SMYD3: variants seen among roughly 807,000 people sequenced by gnomAD.
SMYD3 encodes SET and MYND domain containing 3, also known as histone-lysine N-methyltransferase SMYD3.
In SMYD3, 36 loss-of-function variants were observed where a neutral mutation model predicts 57.7. The observed-to-expected ratio is 0.62, with a 90% CI of 0.48 to 0.82. The LOEUF (loss-of-function observed/expected upper bound fraction) is 0.82. Among genes scored for constraint, SMYD3 ranks in the 40% least tolerant of loss-of-function variants. The probability of loss-of-function intolerance (pLI) is 0.00; values close to 1 mark genes in which losing one functional copy is unlikely to be tolerated. For synonymous variants in SMYD3, 211 were observed against 195.0 expected (o/e 1.08, Z -0.68); for missense variants, 515 against 538.8 (o/e 0.96, Z 0.44).
chr1:246,495,131 C>G (rs369914486), intron 1 of SMYD3, among the ~76,000 whole-genome samples: 1 of 151,878 alleles, frequency 6.6e-6, no homozygotes, highest in East Asian at 1.9e-4. Flanking sequence ...GGGTGGATCA[C>G]GAGGTCAGGA....
chr1:245,880,831 TGTAA>T (rs1352177942), intron 8 of SMYD3, among the ~76,000 whole-genome samples: 1 of 152,232 alleles, frequency 6.6e-6, no homozygotes, highest in Non-Finnish European at 1.5e-5. Context: ...AAGACCCTGA[TGTAA>T]GTGGAAAGAG....
chr1:245,836,351 G>A (rs2050106041), intron 10 of SMYD3, among the ~76,000 whole-genome samples: 1 of 152,154 alleles, frequency 6.6e-6, no homozygotes, highest in Non-Finnish European at 1.5e-5. Context: ...ATAGCCACTG[G>A]CCTTCCCATC....
At chr1:245,981,925 C>A (rs1326113695) in intron 5 of SMYD3, among the ~76,000 whole-genome samples, 2 of 152,216 alleles carry the variant, frequency 1.3e-5, no homozygotes, top group Non-Finnish European at 2.9e-5. Flanking sequence ...CAGGCTTGGG[C>A]AGGCGAGTCT....
chr1:245,797,033 A>T (rs2047553096), intron 10 of SMYD3, among the ~76,000 whole-genome samples: 1 of 152,166 alleles, frequency 6.6e-6, no homozygotes, highest in South Asian at 2.1e-4. Flanking sequence ...CAGGCTATAG[A>T]GGAAATTGCT....
chr1:246,230,465 C>T (rs910336798), intron 5 of SMYD3, among the ~76,000 whole-genome samples: 3 of 152,170 alleles, frequency 2.0e-5, no homozygotes, highest in Non-Finnish European at 4.4e-5. Context: ...AGGAGTTAGG[C>T]TAGAATGCTG....
intron 1 of SMYD3, among the ~76,000 whole-genome samples, chr1:246,412,482 C>T (rs966709243): frequency 1.3e-5 from 2 of 151,852 alleles, no homozygotes; most frequent in Non-Finnish European, 2.9e-5. Flanking sequence ...AAAATAGATT[C>T]CAATAAAACA....
rs184884458 is a variant in SMYD3 at position 246,436,867 on chromosome 1, G to A, written c.164+70187C>T. Among the ~76,000 whole-genome samples the A allele has an allele frequency of 3.6e-3, 539 of 150,762 alleles. 3 individuals carry two copies. The highest frequency in any genetic ancestry group is 9.1e-3 in the African/African-American group (375 of 41,062). ...TTCATTCAGTAGAAGGGAAAAGGAC[G>A]ATAGGGAATAAGGGTCCTGCCAGAG... is the stretch of plus-strand genomic sequence containing the variant. On this transcript the variant is annotated intron_variant, in intron 1 of 11. Coordinates refer to ENST00000490107, the MANE Select transcript of SMYD3 (RefSeq NM_001167740.2).
chr1:246,186,593 T>C (rs1020720198), intron 5 of SMYD3: 1 of 226,604 alleles, frequency 4.4e-6, no homozygotes, highest in Non-Finnish European at 7.3e-6. Flanking sequence ...TCTTGTTTAA[T>C]TGCTAACTTT....
intron 10 of SMYD3, among the ~76,000 whole-genome samples, chr1:245,817,301 T>C (rs12032586): frequency 0.2 from 27,274 of 135,698 alleles, 3,966 homozygotes; most frequent in East Asian, 0.3. Context: ...ACACCTCACA[T>C]GGCAGGGTAT....
chr1:245,956,306 G>C (rs2057839190), intron 5 of SMYD3, among the ~76,000 whole-genome samples: 1 of 152,176 alleles, frequency 6.6e-6, no homozygotes, highest in East Asian at 1.9e-4. Context: ...AAACGAATTT[G>C]AGAAGAAAAG....
chr1:246,305,222 G>A (rs1308808776), intron 5 of SMYD3, among the ~76,000 whole-genome samples: 1 of 152,040 alleles, frequency 6.6e-6, no homozygotes, highest in Non-Finnish European at 1.5e-5. Flanking sequence ...GTGAAACAAT[G>A]ATTAAAGATT....
At chr1:245,783,510 T>A (rs1354529720) in intron 10 of SMYD3, among the ~76,000 whole-genome samples, 1 of 151,962 alleles carries the variant, frequency 6.6e-6, no homozygotes, top group Non-Finnish European at 1.5e-5. Context: ...CTGTCATCCA[T>A]ACTCATATTG....
chr1:246,482,207 T>C (rs1427410707), intron 1 of SMYD3, among the ~76,000 whole-genome samples: 3 of 152,098 alleles, frequency 2.0e-5, no homozygotes, highest in South Asian at 2.1e-4. Context: ...GATCCTCAGT[T>C]TGCCATGAGA....
At chr1:246,125,092 A>C (rs2061490974) in intron 5 of SMYD3, among the ~76,000 whole-genome samples, 1 of 50,502 alleles carries the variant, frequency 2.0e-5, no homozygotes, top group South Asian at 4.9e-4. Context: ...AAAAAAACAC[A>C]CACACACACA....
At chr1:246,345,602 C>T (rs12094118) in intron 2 of SMYD3, among the ~76,000 whole-genome samples, 30,774 of 152,044 alleles carry the variant, frequency 0.2, 3,556 homozygotes, top group East Asian at 0.51. Context: ...GATTTTGGAG[C>T]GCTGCAGATT....
chr1:246,160,993 CA>C (rs1436100021), intron 5 of SMYD3, among the ~76,000 whole-genome samples: 3 of 152,214 alleles, frequency 2.0e-5, no homozygotes, highest in Non-Finnish European at 4.4e-5. Flanking sequence ...ACATTACCAA[CA>C]TGCAGGCTGG....
rs1309134037 is a variant in SMYD3, at chr1:246,208,656, C to T, written c.531+118545G>A. Among the ~76,000 whole-genome samples the T allele has an allele frequency of 2.6e-5, 4 of 152,168 alleles. No individual in the cohort carries two copies. In the South Asian group the frequency reaches 6.2e-4, roughly 24 times the overall value. ...ACGTCTAGAAAACTGTTCTCTGCTG[C>T]TCATAGGCAATCACGTTGCATGTCC... On this transcript the variant is annotated intron_variant, in intron 5 of 11. Transcript: ENST00000490107.
At chr1:246,362,098 G>A (rs1000476520) in intron 1 of SMYD3, among the ~76,000 whole-genome samples, 1 of 151,982 alleles carries the variant, frequency 6.6e-6, no homozygotes, top group African/African-American at 2.4e-5. Flanking sequence ...TAGAATATAC[G>A]TAACATAAAA....
chr1:246,048,745 A>G (rs2060012154), intron 5 of SMYD3, among the ~76,000 whole-genome samples: 1 of 151,964 alleles, frequency 6.6e-6, no homozygotes, highest in South Asian at 2.1e-4. Context: ...TCACAAGGTT[A>G]TTGTAAGGCT....
Sources: gnomAD v4.1 joint callset for allele counts (sites outside exome capture counted in the v4.1 genomes callset) on GRCh38, gnomAD v4.1.1 for gene constraint, MANE v1.5 for transcripts, NCBI Gene and HGNC (gene_info 2026-07-23, HGNC 2026-07-21) for gene names.